Variants in DMD observed in about 807,000 individuals in gnomAD.
DMD encodes the protein mutant dystrophin.
DMD carries 63 observed loss-of-function variants against 330.1 expected under a neutral mutation model. That is an observed-to-expected ratio of 0.19 (90% CI 0.16 to 0.24). DMD has a LOEUF of 0.24. Ranked by LOEUF, DMD falls within the 10% of genes least tolerant of loss-of-function variation. The pLI is 1.00. For missense variants in DMD, 3,344 were observed against 2,684.1 expected (o/e 1.25, Z -5.43); for synonymous variants, 1,223 against 959.8 (o/e 1.27, Z -5.07).
chrX:31,192,015 G>C (rs967781151), intron 67 of DMD, among the ~76,000 whole-genome samples: 2 of 112,370 alleles, frequency 1.8e-5, no homozygotes, highest in Admixed American at 9.4e-5. Flanking sequence ...AGAACGGTTA[G>C]TCAGGGTCAG....
rs1203641973 is a variant in DMD, at chrX:31,988,485, A to C, written c.6439-19971T>G. 9.4e-4 allele frequency among the ~76,000 whole-genome samples: 99 copies of C among 105,246 alleles called. 1 individual carries two copies. Among genetic ancestry groups the C allele is most frequent in the African/African-American group, 3.2e-3 (93 of 29,118 alleles). 91.4% of individuals were successfully genotyped at this position (105,246 alleles called of 115,157 possible). On this transcript the variant is annotated intron_variant, in intron 44 of 78. Transcript: ENST00000357033. ...TGAGACTCCATCTCAAAAAAAAAAAAAAAAAAAAAAAAAAAGGAAAAGAAA... is the reference window on the plus strand; with the variant it reads ...TGAGACTCCATCTCAAAAAAAAAAACAAAAAAAAAAAAAAAGGAAAAGAAA...
intron 9 of DMD, among the ~76,000 whole-genome samples, chrX:32,649,555 CTT>C (rs770218259): frequency 3.4e-5 from 2 of 59,568 alleles, no homozygotes; most frequent in African/African-American, 1.8e-4. Context: ...GACTCCGTCT[CTT>C]TTAAAAAAAA....
At chrX:33,070,673 C>CTCTCTATA (rs1192910156) in intron 1 of DMD, among the ~76,000 whole-genome samples, 2 of 35,656 alleles carry the variant, frequency 5.6e-5, no homozygotes, top group Non-Finnish European at 8.9e-5. Context: ...CTCTCTCTCT[C>CTCTCTATA]TATATATATA....
At chrX:33,149,141 T>C (rs1421032622) in intron 1 of DMD, among the ~76,000 whole-genome samples, 2 of 111,047 alleles carry the variant, frequency 1.8e-5, no homozygotes, top group East Asian at 5.6e-4. Context: ...TATTATATAA[T>C]AAAATAATTA....
chrX:32,355,157 C>T (rs1411542239), intron 37 of DMD, among the ~76,000 whole-genome samples: 1 of 111,375 alleles, frequency 9.0e-6, no homozygotes, highest in Non-Finnish European at 1.9e-5. Flanking sequence ...AAAAGTATAA[C>T]GAAATCACTG....
rs1019999951 is a variant in DMD at position 31,900,902 on chromosome X, C to G, written c.6913-25529G>C. ...CCCCTGCATTGCCATCAGACTGAGT[C>G]TTCTAAAATAAAACTTAATTCTTAA... is the stretch of plus-strand genomic sequence containing the variant. On this transcript the variant is annotated intron_variant, in intron 47 of 78. Coordinates refer to ENST00000357033, the MANE Select transcript of DMD (RefSeq NM_004006.3). 7.2e-5 allele frequency among the ~76,000 whole-genome samples: 8 copies of G among 111,531 alleles called. No individual in the cohort carries two copies. The East Asian group carries it at 1.7e-3, about 24-fold the overall frequency.
chrX:33,138,859 CTGAT>C (rs1400997875), intron 1 of DMD, among the ~76,000 whole-genome samples: 1 of 111,228 alleles, frequency 9.0e-6, no homozygotes, highest in Non-Finnish European at 1.9e-5. Context: ...TTTCGCATAT[CTGAT>C]TGTTCCCTTT....
chrX:32,393,689 AAG>A (rs2098020093), intron 30 of DMD, among the ~76,000 whole-genome samples: 1 of 111,462 alleles, frequency 9.0e-6, no homozygotes, highest in South Asian at 3.8e-4. Context: ...AGAGAGAACA[AAG>A]AGAGAACCAT....
intron 51 of DMD, among the ~76,000 whole-genome samples, chrX:31,755,750 AT>A (rs1441623036): frequency 1.8e-5 from 2 of 111,803 alleles, no homozygotes; most frequent in African/African-American, 6.5e-5. Context: ...TCATGGTTAT[AT>A]TTGTTATAAA....
At chrX:32,886,669 C>G (rs182405223) in intron 2 of DMD, among the ~76,000 whole-genome samples, 8 of 110,425 alleles carry the variant, frequency 7.2e-5, no homozygotes, top group African/African-American at 2.6e-4. Context: ...GGCGACAGAG[C>G]AAGACTCCGT....
chrX:32,472,554 C>T (rs945529385), intron 21 of DMD, among the ~76,000 whole-genome samples: 4 of 110,846 alleles, frequency 3.6e-5, no homozygotes, highest in African/African-American at 1.3e-4. Flanking sequence ...TTGTTCAATT[C>T]GTTTTATAAG....
chrX:32,678,511 T>A (rs2062127348), intron 9 of DMD, among the ~76,000 whole-genome samples: 1 of 111,304 alleles, frequency 9.0e-6, no homozygotes, highest in African/African-American at 3.3e-5. Context: ...TGTGTGTGTG[T>A]GTGTGTGTGT....
chrX:32,375,553 C>A (rs2097898807), intron 34 of DMD, among the ~76,000 whole-genome samples: 1 of 111,786 alleles, frequency 8.9e-6, no homozygotes, highest in South Asian at 3.7e-4. Context: ...AGAAAGTATA[C>A]CAAATGTAAT....
At chrX:33,156,694 C>T (rs1037386264) in intron 1 of DMD, among the ~76,000 whole-genome samples, 5 of 111,966 alleles carry the variant, frequency 4.5e-5, no homozygotes, top group African/African-American at 9.7e-5. Context: ...TTTCATACTC[C>T]TATTTAGTGT....
In DMD at chrX:32,857,286, A is replaced by G. The variant is rs181942317; in HGVS notation, c.94-7466T>C. On this transcript the variant is annotated intron_variant, in intron 2 of 78. Coordinates refer to ENST00000357033, the MANE Select transcript of DMD (RefSeq NM_004006.3). ...ATAATATACACATAAATCTTAAAACAGTGCCATTTTAATGAAACTTTAAGG... is the reference window on the plus strand; with the variant it reads ...ATAATATACACATAAATCTTAAAACGGTGCCATTTTAATGAAACTTTAAGG... 2.2e-3 allele frequency among the ~76,000 whole-genome samples: 250 copies of G among 112,277 alleles called. 1 individual carries two copies. Among genetic ancestry groups the G allele is most frequent in the African/African-American group, 7.8e-3 (241 of 30,925 alleles).
chrX:32,736,936 TAAA>T (rs1041423251), intron 7 of DMD, among the ~76,000 whole-genome samples: 1 of 109,555 alleles, frequency 9.1e-6, no homozygotes, highest in Non-Finnish European at 1.9e-5. Context: ...AAAAAAAACT[TAAA>T]AATTTCAGCA....
chrX:32,484,395 T>C (rs1375327358), intron 21 of DMD, among the ~76,000 whole-genome samples: 1 of 112,244 alleles, frequency 8.9e-6, no homozygotes, highest in East Asian at 2.8e-4. Context: ...ACTTTTATCT[T>C]TTATCATCAA....
At chrX:32,683,446 T>C (rs2062586553) in intron 9 of DMD, among the ~76,000 whole-genome samples, 1 of 109,326 alleles carries the variant, frequency 9.1e-6, no homozygotes, top group Non-Finnish European at 1.9e-5. Flanking sequence ...ATATACACCA[T>C]GGAATACTAT....
intron 12 of DMD, among the ~76,000 whole-genome samples, chrX:32,609,559 A>G: frequency 9.0e-6 from 1 of 111,239 alleles, no homozygotes; most frequent in East Asian, 2.8e-4. Context: ...CAATGGAATG[A>G]AATGAAATGT....
Sources: allele counts gnomAD v4.1 joint callset (sites outside exome capture counted in the v4.1 genomes callset), GRCh38; gene constraint gnomAD v4.1.1; transcripts MANE v1.5; gene names NCBI Gene and HGNC (gene_info 2026-07-23, HGNC 2026-07-21).